The following NMNAT2 variants were observed in gnomAD, a reference collection of about 807,000 sequenced individuals.
The protein encoded by NMNAT2 is nicotinamide/nicotinic acid mononucleotide adenylyltransferase 2.
A neutral mutation model predicts 41.6 loss-of-function variants in NMNAT2; 11 were observed. The observed-to-expected ratio is 0.26, with a 90% CI of 0.17 to 0.44. The LOEUF (loss-of-function observed/expected upper bound fraction) is 0.44, where lower values mean the gene tolerates loss of function less well. Among genes scored for constraint, NMNAT2 ranks in the 20% least tolerant of loss-of-function variants. The pLI, the probability that NMNAT2 is intolerant of heterozygous loss-of-function variation, is 1.00. For synonymous variants in NMNAT2, 148 were observed against 151.2 expected (o/e 0.98, Z 0.16); for missense variants, 288 against 407.7 (o/e 0.71, Z 2.53).
chr1:183,267,857 G>A (rs2102287396), intron 8 of NMNAT2, among the ~76,000 whole-genome samples: 1 of 152,222 alleles, frequency 6.6e-6, no homozygotes, highest in East Asian at 1.9e-4. Context: ...ATTCGTGATG[G>A]TGGCCAATGT....
chr1:183,269,872 G>T (rs549730020), intron 8 of NMNAT2, among the ~76,000 whole-genome samples: 1 of 152,110 alleles, frequency 6.6e-6, no homozygotes, highest in South Asian at 2.1e-4. Context: ...GACTCATATT[G>T]TAGTGACTTG....
At chr1:183,367,737 T>C (rs1663446245) in intron 1 of NMNAT2, among the ~76,000 whole-genome samples, 1 of 152,244 alleles carries the variant, frequency 6.6e-6, no homozygotes, top group South Asian at 2.1e-4. Flanking sequence ...AAATTATATA[T>C]GTGTCTTATT....
At chr1:183,373,824 G>A (rs1302631619) in intron 1 of NMNAT2, among the ~76,000 whole-genome samples, 1 of 152,006 alleles carries the variant, frequency 6.6e-6, no homozygotes, top group Non-Finnish European at 1.5e-5. Context: ...TACCATGTTG[G>A]CCAAGCTGGT....
intron 1 of NMNAT2, among the ~76,000 whole-genome samples, chr1:183,322,468 C>T (rs530786981): frequency 2.6e-5 from 4 of 152,158 alleles, no homozygotes; most frequent in East Asian, 1.9e-4. Flanking sequence ...TCATCTAGAA[C>T]GATCCTCCTC....
intron 10 of NMNAT2, among the ~76,000 whole-genome samples, chr1:183,253,904 C>CGT (rs139756017): frequency 0.035 from 5,002 of 144,290 alleles, 131 homozygotes; most frequent in Middle Eastern, 0.067. Flanking sequence ...GTTCCACTTC[C>CGT]GTGTGTGTGT....
Position 183,307,927 on chromosome 1 carries a change from G to A in NMNAT2, c.86-14134C>T, listed in dbSNP as rs1662032618. Among the ~76,000 whole-genome samples, 3 of 152,208 alleles carry A rather than the reference G, an allele frequency of 2.0e-5. No individual in the cohort carries two copies. The South Asian group carries it at 6.2e-4, about 32-fold the overall frequency. ...ATGTAAGAGAAGCCAAGGTTGGGGA[G>A]GGCGCGTGCTGCATTTGGGCAGATT... On this transcript the variant is annotated intron_variant, in intron 1 of 10. Transcript: ENST00000287713.
At chr1:183,284,283 G>C (rs1163472728) in intron 6 of NMNAT2, among the ~76,000 whole-genome samples, 2 of 152,234 alleles carry the variant, frequency 1.3e-5, no homozygotes, top group South Asian at 4.1e-4. Context: ...AGACAGCCTG[G>C]CTGGGGAGCC....
intron 10 of NMNAT2, among the ~76,000 whole-genome samples, chr1:183,254,379 T>A (rs1351514976): frequency 6.6e-6 from 1 of 152,180 alleles, no homozygotes; most frequent in African/African-American, 2.4e-5. Flanking sequence ...GCAATTTTTA[T>A]GTCATCTCTG....
chr1:183,315,778 T>TAAAAAAAAAAAAAAAAAA (rs11454305), intron 1 of NMNAT2, among the ~76,000 whole-genome samples: 1 of 125,920 alleles, frequency 7.9e-6, no homozygotes. Flanking sequence ...AGACTCCGTG[T>TAAAAAAAAAAAAAAAAAA]AAAAAAAAAA....
intron 7 of NMNAT2, among the ~76,000 whole-genome samples, chr1:183,280,620 T>C (rs1403338916): frequency 6.6e-6 from 1 of 151,826 alleles, no homozygotes; most frequent in Non-Finnish European, 1.5e-5. Flanking sequence ...ACTCCTGACC[T>C]CAAGTGATCT....
At position 183,280,580 on chromosome 1, in the gene NMNAT2, G is replaced by T. The variant is rs560893112; in HGVS notation, c.575-1951C>A. Among the ~76,000 whole-genome samples, 6 of 151,556 alleles carry T rather than the reference G, an allele frequency of 4.0e-5. 1 individual carries two copies. Among genetic ancestry groups the T allele is most frequent in the African/African-American group, 1.5e-4 (6 of 41,316 alleles). On this transcript the variant is annotated intron_variant, in intron 7 of 10. Coordinates refer to ENST00000287713, the MANE Select transcript of NMNAT2 (RefSeq NM_015039.4). ...TTTTTGTATTTTTAGTAGAGAGGGG[G>T]TTTCACCATGTTGGCCAGGCAGTTC...
intron 1 of NMNAT2, among the ~76,000 whole-genome samples, chr1:183,370,426 A>G (rs188279474): frequency 6.0e-4 from 91 of 152,264 alleles, no homozygotes; most frequent in African/African-American, 2.1e-3. Flanking sequence ...TGGTATGCTG[A>G]GAATAAGGGT....
At chr1:183,347,372 C>T (rs1036199541) in intron 1 of NMNAT2, among the ~76,000 whole-genome samples, 5 of 152,146 alleles carry the variant, frequency 3.3e-5, no homozygotes, top group African/African-American at 9.7e-5. Context: ...AGGAGAATCA[C>T]TTGAGCCCAG....
chr1:183,284,583 A>G, intron 6 of NMNAT2, 127 bp downstream of exon 6: 1 of 799,446 alleles, frequency 1.3e-6, no homozygotes, highest in South Asian at 1.5e-5. Context: ...GTGCACAAGT[A>G]CGCACACACA....
chr1:183,334,513 A>C (rs1298775540), intron 1 of NMNAT2, among the ~76,000 whole-genome samples: 3 of 150,706 alleles, frequency 2.0e-5, no homozygotes, highest in Admixed American at 6.6e-5. Flanking sequence ...AAGGCCACCC[A>C]TTCTTTTTTT....
At chr1:183,376,068 A>G (rs2788058) in intron 1 of NMNAT2, among the ~76,000 whole-genome samples, 77,846 of 152,064 alleles carry the variant, frequency 0.51, 21,163 homozygotes, top group East Asian at 0.65. Flanking sequence ...AGGCCTAGGA[A>G]GTACTGGGGA....
At chr1:183,356,673 C>T (rs1272534694) in intron 1 of NMNAT2, among the ~76,000 whole-genome samples, 2 of 152,230 alleles carry the variant, frequency 1.3e-5, no homozygotes. Context: ...TTATGCCTAA[C>T]TGTATTCATA....
At chr1:183,380,056 T>G (rs1663770638) in intron 1 of NMNAT2, among the ~76,000 whole-genome samples, 1 of 152,214 alleles carries the variant, frequency 6.6e-6, no homozygotes, top group Non-Finnish European at 1.5e-5. Context: ...CCCTATTGGG[T>G]TTACCATAGG....
chr1:183,359,561 C>T (rs1663263060), intron 1 of NMNAT2, among the ~76,000 whole-genome samples: 1 of 152,172 alleles, frequency 6.6e-6, no homozygotes, highest in South Asian at 2.1e-4. Flanking sequence ...CTCTCCTTCT[C>T]TATGCGAGGT....
Sources: gnomAD v4.1 joint callset for allele counts (sites outside exome capture counted in the v4.1 genomes callset) on GRCh38, gnomAD v4.1.1 for gene constraint, MANE v1.5 for transcripts, NCBI Gene and HGNC (gene_info 2026-07-23, HGNC 2026-07-21) for gene names.